Variants in DSCAML1 observed in about 807,000 individuals in gnomAD.
The protein encoded by DSCAML1 is cell adhesion molecule DSCAML1.
In DSCAML1, 38 loss-of-function variants were observed where a neutral mutation model predicts 200.5. The observed-to-expected ratio is 0.19, with a 90% CI of 0.15 to 0.25. DSCAML1 has a LOEUF of 0.25. Among genes scored for constraint, DSCAML1 ranks in the 10% least tolerant of loss-of-function variants. The probability of loss-of-function intolerance (pLI) is 1.00; values close to 1 mark genes in which losing one functional copy is unlikely to be tolerated. For synonymous variants in DSCAML1, 1,215 were observed against 1,165.0 expected (o/e 1.04, Z -0.87); for missense variants, 2,223 against 2,858.8 (o/e 0.78, Z 5.07).
At chr11:117,655,862 C>G (rs914963849) in intron 3 of DSCAML1, among the ~76,000 whole-genome samples, 1 of 152,222 alleles carries the variant, frequency 6.6e-6, no homozygotes, top group Admixed American at 6.5e-5. Context: ...TTTTCCCCAC[C>G]TACAGAAAGC....
chr11:117,721,080 T>G lies in DSCAML1; in HGVS notation c.511+55711A>C, dbSNP rs890440924. 7.2e-5 allele frequency among the ~76,000 whole-genome samples: 11 copies of G among 152,360 alleles called. 1 individual carries two copies. Among genetic ancestry groups the G allele is most frequent in the Middle Eastern group, 6.8e-3 (2 of 294 alleles). ...CAAGATGCGGAGAGGTGAACTGACT[T>G]GCTCAGAACCTCATACTTAACAAGT... On this transcript the variant is annotated intron_variant, in intron 3 of 32. Transcript: ENST00000651296.
intron 1 of DSCAML1, among the ~76,000 whole-genome samples, chr11:117,812,857 C>G (rs2134091106): frequency 6.6e-6 from 1 of 151,342 alleles, no homozygotes; most frequent in Middle Eastern, 3.4e-3. Context: ...CACACTGTAG[C>G]CTTTCTGTGC....
At position 117,442,032 on chromosome 11, in the gene DSCAML1, ATG is replaced by A. The variant is rs3057896; in HGVS notation, c.3862+1852_3862+1853del. Among the ~76,000 whole-genome samples, 1,292 of 143,778 alleles carry A rather than the reference ATG, an allele frequency of 9.0e-3. 7 individuals are homozygous for A. The highest frequency in any genetic ancestry group is 0.012 in the African/African-American group (435 of 37,218). 94.3% of individuals were successfully genotyped at this position (143,778 alleles called of 152,430 possible). Reference sequence around the variant, plus strand: ...TGTGCATCTGCATGTGAGTGTGTGTATGTGTGTGTGTGTGTTAGTGTATGTGT... The same window carrying A: ...TGTGCATCTGCATGTGAGTGTGTGTATGTGTGTGTGTGTTAGTGTATGTGT... On this transcript the variant is annotated intron_variant, in intron 21 of 32. Transcript: ENST00000651296.
At chr11:117,740,351 C>T (rs889692734) in intron 3 of DSCAML1, among the ~76,000 whole-genome samples, 2 of 152,114 alleles carry the variant, frequency 1.3e-5, no homozygotes, top group African/African-American at 4.8e-5. Flanking sequence ...TACTCTTTCC[C>T]CATTAGTGTT....
At chr11:117,817,135 G>T (rs2055817418) in intron 1 of DSCAML1, among the ~76,000 whole-genome samples, 1 of 152,180 alleles carries the variant, frequency 6.6e-6, no homozygotes, top group South Asian at 2.1e-4. Flanking sequence ...CCCTCCCTGG[G>T]CTTCCTACCC....
At chr11:117,613,282 A>G (rs1196929529) in intron 3 of DSCAML1, among the ~76,000 whole-genome samples, 2 of 152,076 alleles carry the variant, frequency 1.3e-5, no homozygotes, top group Admixed American at 6.5e-5. Context: ...CCAGAAAAAG[A>G]CACAAGGGTG....
chr11:117,458,785 G>A lies in DSCAML1; in HGVS notation c.3537C>T (p.Ser1179=), dbSNP rs2048422710. The change falls in exon 19 of 33, where the codon AGC becomes AGT. Residue 1179 remains serine (S), a synonymous_variant. Transcript: ENST00000651296. ...CCTTGGTCTGGATGTAGAGCACACT[G>A]CTGCGTACGCCGTCCCCAGCCTGGG... ...AYTQAGDGVR[S]SVLYIQTKED... The A allele has an allele frequency of 6.2e-7, 1 of 1,613,664 alleles. No individual in the cohort carries two copies. The highest frequency in any genetic ancestry group is 1.3e-5 in the African/African-American group (1 of 74,916).
intron 1 of DSCAML1, among the ~76,000 whole-genome samples, chr11:117,791,988 G>A (rs1034455652): frequency 2.6e-5 from 4 of 152,354 alleles, no homozygotes; most frequent in Middle Eastern, 3.4e-3. Context: ...TAAGTGCAGA[G>A]CCAGGATGTG....
At chr11:117,675,999 G>A (rs1299973496) in intron 3 of DSCAML1, among the ~76,000 whole-genome samples, 1 of 152,182 alleles carries the variant, frequency 6.6e-6, no homozygotes, top group Non-Finnish European at 1.5e-5. Context: ...CTGGGAAGTA[G>A]AGGAGGAAAT....
chr11:117,650,483 G>A (rs2052607856), intron 3 of DSCAML1, among the ~76,000 whole-genome samples: 1 of 152,146 alleles, frequency 6.6e-6, no homozygotes, highest in South Asian at 2.1e-4. Flanking sequence ...GTCCTCTCCA[G>A]CTCTTTTCCA....
At chr11:117,593,624 G>A (rs181461576) in intron 3 of DSCAML1, among the ~76,000 whole-genome samples, 181 of 152,320 alleles carry the variant, frequency 1.2e-3, no homozygotes, top group African/African-American at 4.0e-3. Flanking sequence ...CACAAGCCAA[G>A]GAACAGAGCC....
chr11:117,493,603 C>T (rs529495107), intron 11 of DSCAML1, among the ~76,000 whole-genome samples: 15 of 152,102 alleles, frequency 9.9e-5, no homozygotes, highest in African/African-American at 3.1e-4. Flanking sequence ...CATGAGCCAC[C>T]GCACCAGGCC....
chr11:117,432,982 G>A (rs2047833681), intron 29 of DSCAML1, among the ~76,000 whole-genome samples, 156 bp downstream of exon 29: 1 of 152,188 alleles, frequency 6.6e-6, no homozygotes, highest in Non-Finnish European at 1.5e-5. Context: ...TAGCCCTTGA[G>A]AGAAGCCACA....
intron 11 of DSCAML1, among the ~76,000 whole-genome samples, chr11:117,493,870 C>T (rs777683834): frequency 4.6e-5 from 7 of 152,292 alleles, no homozygotes; most frequent in South Asian, 4.2e-4. Flanking sequence ...TCAAGCAATT[C>T]GCCCCCCTCT....
chr11:117,803,969 C>T (rs1038043172), intron 1 of DSCAML1, among the ~76,000 whole-genome samples: 9 of 152,236 alleles, frequency 5.9e-5, no homozygotes, highest in Non-Finnish European at 7.3e-5. Flanking sequence ...ACGCCTTCCA[C>T]GGTCTCTCTG....
chr11:117,439,222 C>T (rs1292997201), intron 23 of DSCAML1, 44 bp downstream of exon 23: 1 of 1,606,266 alleles, frequency 6.2e-7, no homozygotes, highest in South Asian at 1.1e-5. Flanking sequence ...ACCCTTTCTC[C>T]ATCCCTGTCC....
intron 3 of DSCAML1, among the ~76,000 whole-genome samples, chr11:117,608,134 G>A (rs1360743539): frequency 6.6e-6 from 1 of 152,198 alleles, no homozygotes; most frequent in African/African-American, 2.4e-5. Context: ...ACAGCAGGAT[G>A]ATAGCACCTA....
Position 117,504,063 on chromosome 11 carries a change from G to C in DSCAML1, c.2183-42C>G. 2 of 1,602,520 alleles carry C rather than the reference G, an allele frequency of 1.2e-6. No homozygotes were observed. The highest frequency in any genetic ancestry group is 1.7e-6 in the Non-Finnish European group (2 of 1,173,532). ...GTTAGGAGGGCTGAGTCTGCACTGG[G>C]GCATAAGCTGAGAGTGCCCCAGGAG... On this transcript the variant is annotated intron_variant, in intron 10 of 32. Transcript: ENST00000651296. This position sits in a 1 kb window ranked among gnomAD's most constrained non-coding sequence, Gnocchi z 5.0.
At chr11:117,584,555 C>T (rs906662756) in intron 3 of DSCAML1, among the ~76,000 whole-genome samples, 3 of 152,314 alleles carry the variant, frequency 2.0e-5, no homozygotes, top group East Asian at 1.9e-4. Flanking sequence ...CTGTCTTGAC[C>T]TTTGAGTCCT....
Sources: allele counts gnomAD v4.1 joint callset (sites outside exome capture counted in the v4.1 genomes callset), GRCh38; gene constraint gnomAD v4.1.1; non-coding constraint Gnocchi (gnomAD v3.1); transcripts MANE v1.5; gene names NCBI Gene and HGNC (gene_info 2026-07-23, HGNC 2026-07-21).